CADPS: variants seen among roughly 807,000 people sequenced by gnomAD.
The protein encoded by CADPS is calcium-dependent secretion activator 1.
Under a neutral mutation model 167.3 loss-of-function variants are expected in CADPS, and 57 were observed. The ratio of observed to expected loss-of-function variants is 0.34; its 90% confidence interval spans 0.28 to 0.42. CADPS has a LOEUF of 0.42. CADPS is among the 20% of genes least tolerant of loss of function. The pLI is 1.00. For missense variants in CADPS, 1,414 were observed against 1,738.1 expected, an observed-to-expected ratio of 0.81 and a Z score of 3.32; for synonymous variants, 676 against 635.3, an observed-to-expected ratio of 1.06 and a Z score of -0.96.
At chr3:62,859,796 T>A (rs2080429438) in intron 1 of CADPS, among the ~76,000 whole-genome samples, 1 of 152,162 alleles carries the variant, frequency 6.6e-6, no homozygotes, top group Non-Finnish European at 1.5e-5. Flanking sequence ...AAATGAGATA[T>A]TGGTTTGTGT....
rs2059978955 is a variant in CADPS, at chr3:62,601,572, A to G, written c.1326-8824T>C. On this transcript the variant is annotated intron_variant, in intron 6 of 29. Transcript: ENST00000383710. The surrounding 1 kb of genome is among the most constrained non-coding windows in gnomAD (Gnocchi z 4.3). ...CATGGGGATCCAATTTGCTGCTCTA[A>G]ATTCTTCATGGAGCTCTTTCTAGCA... Among the ~76,000 whole-genome samples, 1 of 152,180 alleles carries G rather than the reference A, an allele frequency of 6.6e-6. No homozygotes were observed. The highest frequency in any genetic ancestry group is 2.4e-5 in the African/African-American group (1 of 41,438).
intron 3 of CADPS, among the ~76,000 whole-genome samples, chr3:62,668,361 T>G (rs2150684693): frequency 6.6e-6 from 1 of 152,228 alleles, no homozygotes; most frequent in Admixed American, 6.5e-5. Flanking sequence ...TGCTGAGCTC[T>G]GCAGCCTTGT....
intron 13 of CADPS, chr3:62,530,852 G>A (rs1337138801): frequency 2.6e-6 from 3 of 1,134,882 alleles, no homozygotes; most frequent in Non-Finnish European, 3.3e-6. Context: ...TGCACAGAGT[G>A]TGGCCAGCCA....
intron 28 of CADPS, among the ~76,000 whole-genome samples, chr3:62,417,848 C>CA (rs11425155): frequency 0.12 from 16,998 of 140,442 alleles, 1,239 homozygotes; most frequent in African/African-American, 0.21. Context: ...AACAAACAAA[C>CA]AAAAAAAAAC....
chr3:62,427,637 C>A (rs1035356913), intron 28 of CADPS, among the ~76,000 whole-genome samples: 1 of 151,974 alleles, frequency 6.6e-6, no homozygotes, highest in Non-Finnish European at 1.5e-5. Flanking sequence ...CTCTGTGGGA[C>A]AAAAATCACC....
intron 3 of CADPS, among the ~76,000 whole-genome samples, chr3:62,690,171 G>T (rs1011308165): frequency 6.6e-6 from 1 of 151,958 alleles, no homozygotes; most frequent in African/African-American, 2.4e-5. Flanking sequence ...CAATGCTGGA[G>T]CTGGAGCTGA....
At chr3:62,757,805 A>G (rs1467175487) in intron 2 of CADPS, among the ~76,000 whole-genome samples, 5 of 152,192 alleles carry the variant, frequency 3.3e-5, no homozygotes, top group Non-Finnish European at 7.4e-5. Flanking sequence ...AGGCCTCACA[A>G]TCATGGTGGA....
At chr3:62,657,893 C>T (rs189569453) in intron 4 of CADPS, among the ~76,000 whole-genome samples, 29 of 152,194 alleles carry the variant, frequency 1.9e-4, no homozygotes, top group Admixed American at 1.9e-3. Context: ...AGGGTCCCTA[C>T]AATATCTTTT....
chr3:62,559,975 ATT>A (rs112423113), intron 9 of CADPS, among the ~76,000 whole-genome samples: 34 of 141,506 alleles, frequency 2.4e-4, no homozygotes, highest in African/African-American at 6.4e-4. Context: ...GGGCTTTTTA[ATT>A]TTTTTTTTTT....
intron 1 of CADPS, among the ~76,000 whole-genome samples, chr3:62,864,322 A>G (rs142630671): frequency 6.6e-6 from 1 of 152,318 alleles, no homozygotes; most frequent in African/African-American, 2.4e-5. Flanking sequence ...GTTAGTAGCT[A>G]AAGTCATGAT....
chr3:62,873,956 G>C (rs982144310), intron 1 of CADPS, among the ~76,000 whole-genome samples: 4 of 152,210 alleles, frequency 2.6e-5, no homozygotes, highest in African/African-American at 9.6e-5. Context: ...GGACACTTTG[G>C]CGACGCTAGT....
chr3:62,809,550 A>G (rs985042154), intron 1 of CADPS, among the ~76,000 whole-genome samples: 1 of 152,092 alleles, frequency 6.6e-6, no homozygotes, highest in Non-Finnish European at 1.5e-5. Context: ...CCTAATTGTC[A>G]TCTCCCCAGA....
intron 9 of CADPS, among the ~76,000 whole-genome samples, chr3:62,564,827 G>T (rs890588354): frequency 6.6e-6 from 1 of 151,938 alleles, no homozygotes; most frequent in Non-Finnish European, 1.5e-5. Flanking sequence ...GGCTGGTCTC[G>T]AACTCCTGAC....
chr3:62,597,562 C>T (rs1401468142), intron 6 of CADPS, among the ~76,000 whole-genome samples: 1 of 152,120 alleles, frequency 6.6e-6, no homozygotes, highest in Non-Finnish European at 1.5e-5. Context: ...GATTTCTTGG[C>T]ATGTTCAGTG....
At position 62,731,748 on chromosome 3, in the gene CADPS, C is replaced by T. The variant is rs181819016; in HGVS notation, c.888+21693G>A. Among the ~76,000 whole-genome samples, 558 of 131,874 alleles carry T rather than the reference C, an allele frequency of 4.2e-3. 4 individuals are homozygous for T. The highest frequency in any genetic ancestry group is 0.015 in the African/African-American group (501 of 34,508). 86.5% of individuals were successfully genotyped at this position (131,874 alleles called of 152,430 possible). A position where few individuals can be genotyped will look rare whatever the true frequency, so the allele number is the denominator to read the frequency against. On this transcript the variant is annotated intron_variant, in intron 3 of 29. Transcript: ENST00000383710. ...ACTGGTGAATGAGGAGTGAATCAGACAGGCTAGCTCCTGCCCTCATGGAGC... is the reference window on the plus strand; with the variant it reads ...ACTGGTGAATGAGGAGTGAATCAGATAGGCTAGCTCCTGCCCTCATGGAGC...
In CADPS at chr3:62,457,941, GA is replaced by G. The variant is rs555205508; in HGVS notation, c.3636+7425del. Among the ~76,000 whole-genome samples, 346 of 152,216 alleles carry G rather than the reference GA, an allele frequency of 2.3e-3. 1 individual carries two copies. The highest frequency in any genetic ancestry group is 7.8e-3 in the African/African-American group (325 of 41,534). ...CACTGGGGCCTGTTGAAGGGTGGGG[GA>G]CTAGGGGAGGGATAGCATTAGAAGA... On this transcript the variant is annotated intron_variant, in intron 26 of 29. Transcript: ENST00000383710.
At chr3:62,457,351 T>G (rs963581083) in intron 26 of CADPS, among the ~76,000 whole-genome samples, 10 of 152,168 alleles carry the variant, frequency 6.6e-5, no homozygotes, top group African/African-American at 2.2e-4. Context: ...GAAACCCCAG[T>G]GCACACTGAA....
chr3:62,697,151 G>C (rs1267511664), intron 3 of CADPS, among the ~76,000 whole-genome samples: 1 of 152,022 alleles, frequency 6.6e-6, no homozygotes, highest in Non-Finnish European at 1.5e-5. Context: ...GGAACACGTG[G>C]TGTTTGTTTA....
At chr3:62,715,278 A>G (rs1287300026) in intron 3 of CADPS, among the ~76,000 whole-genome samples, 2 of 152,058 alleles carry the variant, frequency 1.3e-5, no homozygotes, top group African/African-American at 4.8e-5. Context: ...TTTAGCCAGG[A>G]CTAGAGGTGC....
Sources: gnomAD v4.1 joint callset for allele counts (sites outside exome capture counted in the v4.1 genomes callset) on GRCh38, gnomAD v4.1.1 for gene constraint, Gnocchi (gnomAD v3.1) non-coding constraint, MANE v1.5 for transcripts, NCBI Gene and HGNC (gene_info 2026-07-23, HGNC 2026-07-21) for gene names.